GALNTL6: variants seen among roughly 807,000 people sequenced by gnomAD.
GALNTL6 encodes polypeptide N-acetylgalactosaminyltransferase-like 6.
Under a neutral mutation model 73.7 loss-of-function variants are expected in GALNTL6, and 46 were observed. The observed-to-expected ratio is 0.62, with a 90% CI of 0.49 to 0.80. The LOEUF (loss-of-function observed/expected upper bound fraction) is 0.80. Among genes scored for constraint, GALNTL6 ranks in the 30% least tolerant of loss-of-function variants. GALNTL6 has a pLI of 0.00. For missense variants in GALNTL6, 604 were observed against 755.0 expected (o/e 0.80, Z 2.34); for synonymous variants, 259 against 263.7 (o/e 0.98, Z 0.17).
At chr4:172,368,887 T>C (rs554862742) in intron 5 of GALNTL6, among the ~76,000 whole-genome samples, 1 of 152,350 alleles carries the variant, frequency 6.6e-6, no homozygotes, top group East Asian at 1.9e-4. Flanking sequence ...GGTGGGTTCG[T>C]GGTCTCGCTG....
intron 2 of GALNTL6, among the ~76,000 whole-genome samples, chr4:172,118,150 A>C (rs184197562): frequency 1.4e-4 from 21 of 152,284 alleles, no homozygotes; most frequent in Non-Finnish European, 2.5e-4. Context: ...TAGATGAATG[A>C]AAAATGTTGA....
At chr4:172,906,043 G>GA (rs892082020) in intron 8 of GALNTL6, among the ~76,000 whole-genome samples, 13 of 152,128 alleles carry the variant, frequency 8.5e-5, no homozygotes, top group Non-Finnish European at 1.8e-4. Context: ...ACTAAGTGGG[G>GA]AATCAGTAAT....
chr4:172,806,066 A>G (rs1241701095), intron 5 of GALNTL6, among the ~76,000 whole-genome samples: 1 of 152,216 alleles, frequency 6.6e-6, no homozygotes, highest in African/African-American at 2.4e-5. Flanking sequence ...CATTTCTACC[A>G]TCTTCAGTAA....
rs372429755 is a variant in GALNTL6 at position 172,189,127 on chromosome 4, T to A, written c.139-40529T>A. 1.3e-4 allele frequency among the ~76,000 whole-genome samples: 19 copies of A among 151,998 alleles called. No homozygotes were observed. In the East Asian group the frequency reaches 3.5e-3, roughly 28 times the overall value. On this transcript the variant is annotated intron_variant, in intron 2 of 12. Transcript: ENST00000506823. Reference sequence around the variant, plus strand: ...AATATTATCCATTTTGGGAAAAAAATGTATACACTTCACCATATGAAAGGC... The same window carrying A: ...AATATTATCCATTTTGGGAAAAAAAAGTATACACTTCACCATATGAAAGGC...
At chr4:172,308,518 T>A (rs893377210) in intron 3 of GALNTL6, among the ~76,000 whole-genome samples, 1 of 152,170 alleles carries the variant, frequency 6.6e-6, no homozygotes, top group Non-Finnish European at 1.5e-5. Flanking sequence ...TATGCCAATT[T>A]TACTGAGGGT....
chr4:172,395,656 A>C (rs1262576814), intron 5 of GALNTL6, among the ~76,000 whole-genome samples: 1 of 152,146 alleles, frequency 6.6e-6, no homozygotes, highest in Non-Finnish European at 1.5e-5. Context: ...GTCTGACTTA[A>C]TGTAGTTCAA....
chr4:172,586,100 G>A (rs971627958), intron 5 of GALNTL6, among the ~76,000 whole-genome samples: 1 of 152,160 alleles, frequency 6.6e-6, no homozygotes, highest in Admixed American at 6.5e-5. Flanking sequence ...AGACAGTGCC[G>A]TGATTCCTTA....
chr4:173,024,603 A>G (rs1038324580), intron 12 of GALNTL6, among the ~76,000 whole-genome samples: 1 of 152,130 alleles, frequency 6.6e-6, no homozygotes, highest in Non-Finnish European at 1.5e-5. Flanking sequence ...GTTTTTTGAG[A>G]CGGAGTTTTG....
chr4:172,595,599 G>A (rs953883759), intron 5 of GALNTL6, among the ~76,000 whole-genome samples: 16 of 152,132 alleles, frequency 1.1e-4, no homozygotes, highest in Admixed American at 5.2e-4. Flanking sequence ...GTATATCTTA[G>A]GGTTAATAGA....
chr4:173,001,677 C>T (rs907874624), intron 10 of GALNTL6, among the ~76,000 whole-genome samples: 3 of 152,094 alleles, frequency 2.0e-5, no homozygotes, highest in Non-Finnish European at 2.9e-5. Flanking sequence ...AAAAATAAAA[C>T]CACAAATGAC....
intron 2 of GALNTL6, among the ~76,000 whole-genome samples, chr4:171,861,702 C>T (rs1735834625): frequency 1.3e-5 from 2 of 152,120 alleles, no homozygotes; most frequent in Admixed American, 1.3e-4. Flanking sequence ...AACTTTACAA[C>T]TTTCATAGGT....
intron 2 of GALNTL6, among the ~76,000 whole-genome samples, chr4:171,898,925 G>A (rs1173593861): frequency 6.6e-6 from 1 of 151,894 alleles, no homozygotes; most frequent in African/African-American, 2.4e-5. Flanking sequence ...TGGTATTAAA[G>A]AAGCAAGCAA....
chr4:172,261,370 T>C (rs1738252496), intron 3 of GALNTL6, among the ~76,000 whole-genome samples: 1 of 151,646 alleles, frequency 6.6e-6, no homozygotes, highest in South Asian at 2.1e-4. Flanking sequence ...CCATCTCCTC[T>C]AGATTTTCTA....
At chr4:172,313,506 C>G (rs1740437211) in intron 4 of GALNTL6, among the ~76,000 whole-genome samples, 2 of 152,076 alleles carry the variant, frequency 1.3e-5, no homozygotes, top group African/African-American at 4.8e-5. Context: ...CAGAAAATCA[C>G]TGAAGTCAAA....
At chr4:172,737,329 C>G (rs1200421462) in intron 5 of GALNTL6, among the ~76,000 whole-genome samples, 1 of 151,512 alleles carries the variant, frequency 6.6e-6, no homozygotes, top group Non-Finnish European at 1.5e-5. Context: ...TTTTTCTCCT[C>G]TGAATTTGTA....
intron 5 of GALNTL6, among the ~76,000 whole-genome samples, chr4:172,739,202 C>A (rs1736655858): frequency 6.6e-6 from 1 of 152,164 alleles, no homozygotes; most frequent in African/African-American, 2.4e-5. Context: ...TTGGTTTACA[C>A]ATGTACTGGA....
At chr4:172,028,407 TTGTC>T (rs1302508056) in intron 2 of GALNTL6, among the ~76,000 whole-genome samples, 4 of 152,086 alleles carry the variant, frequency 2.6e-5, no homozygotes, top group African/African-American at 9.6e-5. Context: ...ATAAAATTGA[TTGTC>T]TGGAATCTGA....
chr4:172,380,576 G>A, intron 5 of GALNTL6: 1 of 233,276 alleles, frequency 4.3e-6, no homozygotes, highest in Non-Finnish European at 8.7e-6. Context: ...ACTTTAGTAG[G>A]GAAAGAAAGA....
intron 2 of GALNTL6, among the ~76,000 whole-genome samples, chr4:171,835,985 T>C (rs1735084568): frequency 6.6e-6 from 1 of 152,110 alleles, no homozygotes; most frequent in Non-Finnish European, 1.5e-5. Flanking sequence ...CTGTAACATC[T>C]ATACAATCAT....
Sources: allele counts gnomAD v4.1 joint callset (sites outside exome capture counted in the v4.1 genomes callset), GRCh38; gene constraint gnomAD v4.1.1; transcripts MANE v1.5; gene names NCBI Gene and HGNC (gene_info 2026-07-23, HGNC 2026-07-21).